The following NOB1 variants were observed in gnomAD, a reference collection of about 807,000 sequenced individuals.
The protein encoded by NOB1 is RNA-binding protein NOB1.
A neutral mutation model predicts 44.8 loss-of-function variants in NOB1; 44 were observed. The observed-to-expected ratio is 0.98, with a 90% CI of 0.77 to 1.26. The LOEUF (loss-of-function observed/expected upper bound fraction) is 1.26, where lower values mean the gene tolerates loss of function less well. NOB1 is among the 50% of genes most tolerant of loss of function. The pLI, the probability that NOB1 is intolerant of heterozygous loss-of-function variation, is 0.00. For synonymous variants in NOB1, 238 were observed against 218.7 expected, an observed-to-expected ratio of 1.09 and a Z score of -0.78; for missense variants, 560 against 544.8, an observed-to-expected ratio of 1.03 and a Z score of -0.28.
At chr16:69,743,001 C>A (rs1212767604) in intron 8 of NOB1, among the ~76,000 whole-genome samples, 1 of 151,606 alleles carries the variant, frequency 6.6e-6, no homozygotes, top group African/African-American at 2.4e-5. Context: ...GCATAAAAAA[C>A]CAGAGCTCCT....
Position 69,749,030 on chromosome 16 carries a change from C to A in NOB1, c.614G>T (p.Gly205Val), listed in dbSNP as rs202043710. 2.1e-5 allele frequency: 34 copies of A among 1,614,244 alleles called. No homozygotes were observed. In the African/African-American group the frequency reaches 2.5e-4, roughly 12 times the overall value. Residue 205 changes from glycine to valine, a missense_variant, in exon 6 of 9, where the codon GGG (glycine) becomes GTG (valine). Physicochemically the swap from Gly to Val is moderately radical, Grantham distance 109. Transcript: ENST00000268802. ...GTTACTGGGGGTTATCCAGCCACCC[C>A]CGTCGTCATCGCTGTCATCTTTTCT... is the stretch of plus-strand genomic sequence containing the variant. The part of the protein sequence containing the change: ...EDRKDDSDDD[G>V]GGWITPSNIK...
intron 1 of NOB1, 30 bp from the exon 2 acceptor site, chr16:69,754,756 A>G (rs1264273730): frequency 1.2e-6 from 2 of 1,613,132 alleles, no homozygotes; most frequent in Non-Finnish European, 1.7e-6. Flanking sequence ...GCTCAGACCC[A>G]CCCGCACCAA....
chr16:69,745,396 C>G (rs978927168), intron 7 of NOB1, among the ~76,000 whole-genome samples: 1 of 152,284 alleles, frequency 6.6e-6, no homozygotes, highest in South Asian at 2.1e-4. Context: ...TCAAGGTCAC[C>G]CAGCTGGTCC....
chr16:69,749,535 G>A (rs200914887), intron 4 of NOB1, 24 bp downstream of exon 4: 60 of 1,600,648 alleles, frequency 3.7e-5, no homozygotes, highest in East Asian at 3.3e-4. Flanking sequence ...GAGCATGAAC[G>A]GCCTGGCTTG....
rs1042448624 is a variant in NOB1, at chr16:69,747,689, T to A, written c.824+543A>T. Among the ~76,000 whole-genome samples, 3 of 152,276 alleles carry A rather than the reference T, an allele frequency of 2.0e-5. No individual in the cohort carries two copies. In the East Asian group the frequency reaches 5.8e-4, roughly 29 times the overall value. ...TACCGCTAAAGAATGAGGCTCACTG[T>A]TCCAGAACCCATGTCCCTAACCCCA... On this transcript the variant is annotated intron_variant, in intron 7 of 8. Coordinates refer to ENST00000268802, the MANE Select transcript of NOB1 (RefSeq NM_014062.3).
At chr16:69,743,607 C>A (rs1000957886) in intron 8 of NOB1, among the ~76,000 whole-genome samples, 3 of 152,056 alleles carry the variant, frequency 2.0e-5, no homozygotes, top group African/African-American at 7.2e-5. Context: ...ATACCAGACA[C>A]ACGCAAGGGA....
At chr16:69,749,701 G>A (rs2038466381) in intron 3 of NOB1, 71 bp from the exon 4 acceptor site, 2 of 1,151,366 alleles carry the variant, frequency 1.7e-6, no homozygotes, top group Non-Finnish European at 2.5e-6. Flanking sequence ...TTTTTGGCCG[G>A]GCACGATGGC....
chr16:69,754,868 G>A lies in NOB1; in HGVS notation c.43C>T (p.Leu15=), dbSNP rs145036586. 2.6e-3 allele frequency: 4,176 copies of A among 1,598,062 alleles called. 70 individuals carry two copies. The African/African-American group carries it at 0.039, about 15-fold the overall frequency. Residue 15 remains leucine (L), a synonymous_variant, in exon 1 of 9, where the codon CTG becomes TTG. Coordinates refer to ENST00000268802, the MANE Select transcript of NOB1 (RefSeq NM_014062.3). The stretch of plus-strand genomic sequence containing the variant: ...CGTACCTGCAGAGCCGCATGCCGCA[G>A]GAAAGCCCCAGCATCCGCCACAACG... The part of the protein sequence containing the change: ...EHVVADAGAF[L]RHAALQDIGK...
chr16:69,746,660 C>G (rs904954404), intron 7 of NOB1, among the ~76,000 whole-genome samples: 13 of 152,162 alleles, frequency 8.5e-5, no homozygotes, highest in Admixed American at 2.0e-4. Context: ...AATCGCAGCT[C>G]TTTGGGAGGC....
At chr16:69,746,075 TGAG>T (rs2038428292) in intron 7 of NOB1, among the ~76,000 whole-genome samples, 1 of 152,230 alleles carries the variant, frequency 6.6e-6, no homozygotes, top group Non-Finnish European at 1.5e-5. Context: ...TGGGCCGCTC[TGAG>T]GAGTGGCTGG....
chr16:69,748,345 AAAG>A lies in NOB1; in HGVS notation c.727-19_727-17del, dbSNP rs747879704. 200 of 1,604,808 alleles carry A rather than the reference AAAG, an allele frequency of 1.2e-4. 2 individuals are homozygous for A. The Admixed American group carries it at 1.3e-3, about 11-fold the overall frequency. ...GCAGAACATTCTACAACCACAAGTT[AAAG>A]AAGAAATCAATTTTCTTTTCACATT... On this transcript the variant is annotated splice_polypyrimidine_tract_variant and intron_variant, in intron 6 of 8. Transcript: ENST00000268802.
chr16:69,742,689 G>A (rs111771425), intron 8 of NOB1, 88 bp from the exon 9 acceptor site: 1 of 1,379,638 alleles, frequency 7.2e-7, no homozygotes, highest in African/African-American at 1.4e-5. Flanking sequence ...CGACCTTGCA[G>A]ATCCTGGTGC....
rs555253831 is a variant in NOB1 at position 69,748,263 on chromosome 16, T to C, written c.793A>G (p.Ser265Gly). ...VNGMLIREAR[S>G]YILRCHGCFK... ...CAGCCATGGCAGCGCAAGATGTAGC[T>C]CCGGGCCTCACGAATCAGCATGCCG... is the stretch of plus-strand genomic sequence containing the variant. The change falls in exon 7 of 9, where the codon AGC (serine) becomes GGC (glycine). Residue 265 changes from serine (S) to glycine (G), a missense_variant. Coordinates refer to ENST00000268802, the MANE Select transcript of NOB1 (RefSeq NM_014062.3). 9.9e-6 allele frequency: 16 copies of C among 1,614,032 alleles called. No individual in the cohort carries two copies. The highest frequency in any genetic ancestry group is 1.1e-5 in the Non-Finnish European group (13 of 1,179,938).
rs751981115 is a variant in NOB1 at position 69,752,390 on chromosome 16, C to T, written c.197-19G>A. On this transcript the variant is annotated intron_variant, in intron 2 of 8. Transcript: ENST00000268802. Reference sequence around the variant, plus strand: ...TCAGTCACTGTAAACAACAGATTTACATCTTCAGTTAGAGGTAAAAAGCCA... The same window carrying T: ...TCAGTCACTGTAAACAACAGATTTATATCTTCAGTTAGAGGTAAAAAGCCA... 2 of 1,605,336 alleles carry T rather than the reference C, an allele frequency of 1.2e-6. No homozygotes were observed. The highest frequency in any genetic ancestry group is 1.1e-5 in the South Asian group (1 of 90,868).
At chr16:69,746,491 G>A (rs1352883822) in intron 7 of NOB1, among the ~76,000 whole-genome samples, 1 of 152,218 alleles carries the variant, frequency 6.6e-6, no homozygotes, top group Admixed American at 6.5e-5. Context: ...AGCAATGAGA[G>A]GTCAGTGGTC....
intron 3 of NOB1, among the ~76,000 whole-genome samples, chr16:69,751,055 G>C (rs532346143): frequency 1.3e-5 from 2 of 152,306 alleles, no homozygotes; most frequent in South Asian, 4.1e-4. Flanking sequence ...AAAAACACTT[G>C]CAAGTACTTA....
At chr16:69,752,727 G>T (rs2038493108) in intron 2 of NOB1, among the ~76,000 whole-genome samples, 1 of 152,122 alleles carries the variant, frequency 6.6e-6, no homozygotes, top group South Asian at 2.1e-4. Context: ...ATCACTTGAG[G>T]TCAGGAGACC....
At chr16:69,750,704 A>C (rs949922270) in intron 3 of NOB1, among the ~76,000 whole-genome samples, 6 of 152,204 alleles carry the variant, frequency 3.9e-5, no homozygotes, top group Non-Finnish European at 8.8e-5. Flanking sequence ...TGGGAGGCCA[A>C]GGTGGGAGGA....
At chr16:69,746,463 C>A (rs1004396407) in intron 7 of NOB1, among the ~76,000 whole-genome samples, 1 of 152,230 alleles carries the variant, frequency 6.6e-6, no homozygotes, top group Non-Finnish European at 1.5e-5. Flanking sequence ...CCACAGGAAC[C>A]AACTCAAGAG....
Sources: allele counts gnomAD v4.1 joint callset (sites outside exome capture counted in the v4.1 genomes callset), GRCh38; gene constraint gnomAD v4.1.1; transcripts MANE v1.5; gene names NCBI Gene and HGNC (gene_info 2026-07-23, HGNC 2026-07-21).